CAMK4: variants seen among roughly 807,000 people sequenced by gnomAD.
CAMK4 encodes the protein calcium/calmodulin dependent protein kinase IV, also known as calcium/calmodulin-dependent protein kinase type IV.
Under a neutral mutation model 44.9 loss-of-function variants are expected in CAMK4, and 22 were observed. The observed-to-expected ratio is 0.49, with a 90% CI of 0.35 to 0.70. The LOEUF is 0.70. CAMK4 is among the 30% of genes least tolerant of loss of function. CAMK4 has a pLI of 0.01. For synonymous variants in CAMK4, 218 were observed against 215.4 expected (o/e 1.01, Z -0.11); for missense variants, 498 against 586.8 (o/e 0.85, Z 1.56).
At chr5:111,226,561 A>G (rs1748202675) in intron 1 of CAMK4, among the ~76,000 whole-genome samples, 1 of 152,268 alleles carries the variant, frequency 6.6e-6, no homozygotes. Flanking sequence ...TGCTCAGAAC[A>G]CTTAATATTA....
intron 4 of CAMK4, among the ~76,000 whole-genome samples, chr5:111,380,596 T>C (rs937032318): frequency 2.0e-5 from 3 of 152,164 alleles, no homozygotes; most frequent in Non-Finnish European, 2.9e-5. Flanking sequence ...CTCCCACTTA[T>C]AATTGAGAAC....
At chr5:111,270,203 G>A (rs1246667918) in intron 1 of CAMK4, 4 of 152,168 alleles carry the variant, frequency 2.6e-5, no homozygotes, top group Non-Finnish European at 5.9e-5. Flanking sequence ...TTTAAAACAT[G>A]TTAACTCTGT....
At chr5:111,282,127 G>T (rs1751049743) in intron 1 of CAMK4, among the ~76,000 whole-genome samples, 2 of 151,598 alleles carry the variant, frequency 1.3e-5, no homozygotes, top group South Asian at 4.1e-4. Flanking sequence ...TTTCTTCATT[G>T]CATTGTTTTT....
At chr5:111,259,409 G>C (rs1226892459) in intron 1 of CAMK4, among the ~76,000 whole-genome samples, 1 of 152,188 alleles carries the variant, frequency 6.6e-6, no homozygotes, top group African/African-American at 2.4e-5. Context: ...TAGAGAAGAA[G>C]AAATGATTTT....
At chr5:111,281,973 G>A (rs375644225) in intron 1 of CAMK4, among the ~76,000 whole-genome samples, 4 of 151,958 alleles carry the variant, frequency 2.6e-5, no homozygotes, top group African/African-American at 4.8e-5. Flanking sequence ...CAGGAGAATG[G>A]CGTGAACCCC....
chr5:111,438,211 C>T (rs143022515), intron 5 of CAMK4, among the ~76,000 whole-genome samples: 1,702 of 152,192 alleles, frequency 0.011, 34 homozygotes, highest in African/African-American at 0.039. Context: ...AGTTAACGTG[C>T]CCACAAGATA....
intron 2 of CAMK4, among the ~76,000 whole-genome samples, chr5:111,355,123 T>G (rs981125947): frequency 6.6e-6 from 1 of 152,084 alleles, no homozygotes. Context: ...AATAGACTTT[T>G]TGGGGCCAAT....
intron 4 of CAMK4, among the ~76,000 whole-genome samples, chr5:111,392,409 C>G (rs930627833): frequency 2.6e-5 from 4 of 152,150 alleles, no homozygotes; most frequent in Non-Finnish European, 5.9e-5. Flanking sequence ...ATGATCCAAT[C>G]ACCTCCCACT....
intron 1 of CAMK4, among the ~76,000 whole-genome samples, chr5:111,226,802 T>A (rs727922): frequency 4.3e-4 from 66 of 152,198 alleles, no homozygotes; most frequent in African/African-American, 1.6e-3. Flanking sequence ...TATCCTACCA[T>A]GTATAGTTCA....
intron 5 of CAMK4, among the ~76,000 whole-genome samples, chr5:111,421,336 A>G (rs766317260): frequency 7.2e-5 from 11 of 152,216 alleles, no homozygotes; most frequent in Non-Finnish European, 8.8e-5. Flanking sequence ...TAGCTTCTGA[A>G]TAAGGGATGC....
At chr5:111,394,614 G>C (rs1490694030) in intron 4 of CAMK4, 96 bp from the exon 5 acceptor site, 2 of 763,186 alleles carry the variant, frequency 2.6e-6, no homozygotes, top group Admixed American at 2.2e-5. Flanking sequence ...AATTGTTTAT[G>C]TGCACCATCT....
chr5:111,380,153 C>G (rs1328653304), intron 4 of CAMK4, among the ~76,000 whole-genome samples: 2 of 151,976 alleles, frequency 1.3e-5, no homozygotes, highest in Non-Finnish European at 2.9e-5. Flanking sequence ...GTTTTTTTCC[C>G]TCAAAAATGA....
At chr5:111,293,836 TC>T in intron 1 of CAMK4, among the ~76,000 whole-genome samples, 1 of 136,482 alleles carries the variant, frequency 7.3e-6, no homozygotes, top group Non-Finnish European at 1.5e-5. Context: ...AAGCTCCGCC[TC>T]CCGGGTTCAT....
At chr5:111,403,693 CAG>C (rs1191975818) in intron 5 of CAMK4, among the ~76,000 whole-genome samples, 1 of 152,050 alleles carries the variant, frequency 6.6e-6, no homozygotes, top group African/African-American at 2.4e-5. Context: ...AATTTTGGAA[CAG>C]AATAATAATC....
intron 1 of CAMK4, among the ~76,000 whole-genome samples, chr5:111,240,152 G>T (rs1364862112): frequency 6.6e-6 from 1 of 151,270 alleles, no homozygotes; most frequent in East Asian, 1.9e-4. Flanking sequence ...TTGTTGCTTT[G>T]AGGTCTTATT....
intron 1 of CAMK4, among the ~76,000 whole-genome samples, chr5:111,338,499 G>C (rs78359608): frequency 0.042 from 6,333 of 151,302 alleles, 468 homozygotes; most frequent in African/African-American, 0.14. Context: ...TTTTGTTTTT[G>C]TTGCAACTTC....
chr5:111,309,678 G>A (rs1170689598), intron 1 of CAMK4, among the ~76,000 whole-genome samples: 1 of 152,060 alleles, frequency 6.6e-6, no homozygotes, highest in Non-Finnish European at 1.5e-5. Context: ...AGTTTTCCAG[G>A]TCCGGATCAT....
At chr5:111,271,918 T>A (rs1005012156) in intron 1 of CAMK4, among the ~76,000 whole-genome samples, 1 of 152,164 alleles carries the variant, frequency 6.6e-6, no homozygotes, top group South Asian at 2.1e-4. Flanking sequence ...CCAGATGTCA[T>A]TGGTGTCTCC....
At chr5:111,392,689 T>A (rs1751846426) in intron 4 of CAMK4, among the ~76,000 whole-genome samples, 1 of 152,162 alleles carries the variant, frequency 6.6e-6, no homozygotes, top group Non-Finnish European at 1.5e-5. Flanking sequence ...ATTGTTTGTC[T>A]AGGAAATGGA....
Sources: gnomAD v4.1 joint callset for allele counts (sites outside exome capture counted in the v4.1 genomes callset) on GRCh38, gnomAD v4.1.1 for gene constraint, MANE v1.5 for transcripts, NCBI Gene and HGNC (gene_info 2026-07-23, HGNC 2026-07-21) for gene names.